The following TMEM33 variants were observed in gnomAD, a reference collection of about 807,000 sequenced individuals.
TMEM33 encodes transmembrane protein 33.
TMEM33 carries 16 observed loss-of-function variants against 29.7 expected under a neutral mutation model. That is an observed-to-expected ratio of 0.54 (90% confidence interval 0.36 to 0.82). TMEM33 has a LOEUF of 0.82. Ranked by LOEUF, TMEM33 falls within the 40% of genes least tolerant of loss-of-function variation. The pLI is 0.00. For missense variants in TMEM33, 252 were observed against 295.3 expected (o/e 0.85, Z 1.08); for synonymous variants, 112 against 109.4 (o/e 1.02, Z -0.15).
chr4:41,936,464 G>T (rs996962882), intron 1 of TMEM33, among the ~76,000 whole-genome samples: 17 of 152,174 alleles, frequency 1.1e-4, no homozygotes. Context: ...GATCGCTTGC[G>T]CCCGAGAAGT....
intron 4 of TMEM33, 99 bp downstream of exon 4, chr4:41,943,913 A>T: frequency 9.7e-7 from 1 of 1,027,188 alleles, no homozygotes; most frequent in South Asian, 1.4e-5. Flanking sequence ...AAGTCCCTCT[A>T]TACCTTACAA....
intron 4 of TMEM33, among the ~76,000 whole-genome samples, chr4:41,944,496 G>A (rs1346023355): frequency 6.6e-6 from 1 of 152,124 alleles, no homozygotes; most frequent in Admixed American, 6.5e-5. Context: ...GTCAGATTTT[G>A]TTGTGGTTAG....
At chr4:41,940,046 C>CCTTTTTTTTTTTTTTTTTTTTTTTTTTT (rs1553910603) in intron 3 of TMEM33, among the ~76,000 whole-genome samples, 1 of 81,366 alleles carries the variant, frequency 1.2e-5, no homozygotes, top group African/African-American at 5.6e-5. Flanking sequence ...GTTAAACTTT[C>CCTTTTTTTTTTTTTTTTTTTTTTTTTTT]TTTTTTTTTT....
chr4:41,946,555 G>T (rs1375569568), intron 5 of TMEM33, among the ~76,000 whole-genome samples: 1 of 152,096 alleles, frequency 6.6e-6, no homozygotes, highest in African/African-American at 2.4e-5. Context: ...GGCTGGTGTT[G>T]CTTAAGTTGT....
At position 41,955,014 on chromosome 4, in the gene TMEM33, G is replaced by T. The variant is rs556620522; in HGVS notation, c.*815G>T. On this transcript the variant is annotated 3_prime_UTR_variant, in exon 7 of 7. Transcript: ENST00000504986. The stretch of plus-strand genomic sequence containing the variant: ...GTATTATAGTTTGTAGAACTACCTA[G>T]TTCAGAATCTTGACTGCCAGTTTTC... The T allele has an allele frequency of 6.5e-6, 1 of 152,748 alleles. No individual in the cohort carries two copies. Among genetic ancestry groups the T allele is most frequent in the South Asian group, 2.1e-4 (1 of 4,834 alleles). The allele number at this position is 152,748 out of a possible 1,614,324, so 9.5% of individuals were successfully genotyped here.
rs548974632 is a variant in TMEM33 at position 41,944,686 on chromosome 4, T to C, written c.397-107T>C. On this transcript the variant is annotated intron_variant, in intron 4 of 6. Coordinates refer to ENST00000504986, the MANE Select transcript of TMEM33 (RefSeq NM_018126.3). ...CTTCGTACCATCATTTCCAAAGTAG[T>C]ATATTTGGTTGTATTGCCTGTTGGA... 7.3e-6 allele frequency: 9 copies of C among 1,232,074 alleles called. No homozygotes were observed. The African/African-American group carries it at 1.1e-4, about 15-fold the overall frequency. 76.3% of individuals were successfully genotyped at this position (1,232,074 alleles called of 1,614,324 possible). A position where few individuals can be genotyped will look rare whatever the true frequency, so the allele number is the denominator to read the frequency against.
Position 41,938,822 on chromosome 4 carries a change from C to T in TMEM33, c.140+126C>T, listed in dbSNP as rs536404801. The T allele has an allele frequency of 1.5e-4, 118 of 794,676 alleles. No homozygotes were observed. In the South Asian group the frequency reaches 1.7e-3, roughly 12 times the overall value. 49.2% of individuals were successfully genotyped at this position (794,676 alleles called of 1,614,324 possible). A position where few individuals can be genotyped will look rare whatever the true frequency, so the allele number is the denominator to read the frequency against. On this transcript the variant is annotated intron_variant, in intron 2 of 6. Transcript: ENST00000504986. ...GGGACAAATAAAATACAAGTTCCAG[C>T]CTTCAGGTACTAACAACCTAATAAC... is the stretch of plus-strand genomic sequence containing the variant.
At chr4:41,946,673 A>C (rs1258695038) in intron 5 of TMEM33, among the ~76,000 whole-genome samples, 1 of 152,208 alleles carries the variant, frequency 6.6e-6, no homozygotes, top group African/African-American at 2.4e-5. Context: ...AAAGCATATA[A>C]AAGAAAAGGG....
At chr4:41,937,899 A>G (rs1236519800) in intron 1 of TMEM33, among the ~76,000 whole-genome samples, 3 of 152,182 alleles carry the variant, frequency 2.0e-5, no homozygotes, top group Non-Finnish European at 4.4e-5. Context: ...ATCTAGGACC[A>G]CCGAAACTAG....
intron 6 of TMEM33, among the ~76,000 whole-genome samples, chr4:41,952,498 G>A (rs1381088600): frequency 6.6e-6 from 1 of 152,106 alleles, no homozygotes; most frequent in Non-Finnish European, 1.5e-5. Flanking sequence ...ACATGATTTT[G>A]TGTATACTAG....
At position 41,954,264 on chromosome 4, in the gene TMEM33, G is replaced by T. The variant is rs1353679122; in HGVS notation, c.*65G>T. On this transcript the variant is annotated 3_prime_UTR_variant, in exon 7 of 7. Coordinates refer to ENST00000504986, the MANE Select transcript of TMEM33 (RefSeq NM_018126.3). Reference sequence around the variant, plus strand: ...ATTAGCAGCTGGTACTTCTGCTAGGGGTTGTAAATTCCAGGTGTTACACTG... The same window carrying T: ...ATTAGCAGCTGGTACTTCTGCTAGGTGTTGTAAATTCCAGGTGTTACACTG... 50 of 1,553,176 alleles carry T rather than the reference G, an allele frequency of 3.2e-5. No individual in the cohort carries two copies. Among genetic ancestry groups the T allele is most frequent in the Non-Finnish European group, 3.6e-5 (41 of 1,139,538 alleles).
At chr4:41,948,872 C>T (rs1226061851) in intron 5 of TMEM33, among the ~76,000 whole-genome samples, 1 of 151,806 alleles carries the variant, frequency 6.6e-6, no homozygotes, top group East Asian at 1.9e-4. Flanking sequence ...TTAGTATAGG[C>T]TGTTTAGATT....
At chr4:41,947,227 T>A (rs1262167796) in intron 5 of TMEM33, among the ~76,000 whole-genome samples, 1 of 143,632 alleles carries the variant, frequency 7.0e-6, no homozygotes, top group East Asian at 2.0e-4. Context: ...AGACCAAGAC[T>A]CCCTCTCAAA....
chr4:41,944,412 G>C (rs564281427), intron 4 of TMEM33, among the ~76,000 whole-genome samples: 2 of 152,272 alleles, frequency 1.3e-5, no homozygotes, highest in South Asian at 4.1e-4. Flanking sequence ...GGTCACAGCA[G>C]TAATTACACT....
rs147804427 is a variant in TMEM33 at position 41,935,580 on chromosome 4, A to G, written c.45+51A>G. The G allele has an allele frequency of 1.7e-4, 269 of 1,566,366 alleles. No homozygotes were observed. In the African/African-American group the frequency reaches 3.3e-3, roughly 19 times the overall value. On this transcript the variant is annotated intron_variant, in intron 1 of 6. Transcript: ENST00000504986. ...GCTTGATTTGCAAGAGTTAGGAAGA[A>G]GCAGGAAGCGTTGCGAGTCCCGAGG... is the stretch of plus-strand genomic sequence containing the variant.
chr4:41,941,560 T>G (rs1469302522), intron 3 of TMEM33, among the ~76,000 whole-genome samples: 1 of 152,202 alleles, frequency 6.6e-6, no homozygotes, highest in African/African-American at 2.4e-5. Context: ...ATGAGACTCA[T>G]GACTGGTGAA....
chr4:41,954,133 G>C lies in TMEM33; in HGVS notation c.678G>C (p.Leu226=). Residue 226 remains leucine (L), a synonymous_variant, in exon 7 of 7, where the codon CTG becomes CTC. Coordinates refer to ENST00000504986, the MANE Select transcript of TMEM33 (RefSeq NM_018126.3). ...TAATAATGAAACCTGCTTGCCCACT[G>C]TTTGTGAGAAGACTTTGTCTCCAGA... ...EHIIMKPACP[L]FVRRLCLQSI... The C allele has an allele frequency of 6.2e-7, 1 of 1,613,908 alleles. No homozygotes were observed. Among genetic ancestry groups the C allele is most frequent in the Non-Finnish European group, 8.5e-7 (1 of 1,179,834 alleles).
At chr4:41,941,469 C>T (rs1239560571) in intron 3 of TMEM33, among the ~76,000 whole-genome samples, 2 of 152,158 alleles carry the variant, frequency 1.3e-5, no homozygotes. Flanking sequence ...AAACTGAATA[C>T]GTCAATAACT....
chr4:41,947,466 C>T (rs116016301), intron 5 of TMEM33, among the ~76,000 whole-genome samples: 16 of 152,124 alleles, frequency 1.1e-4, no homozygotes, highest in African/African-American at 3.6e-4. Context: ...GTTTTGACTG[C>T]GTTGGTACAT....
Sources: allele counts gnomAD v4.1 joint callset (sites outside exome capture counted in the v4.1 genomes callset), GRCh38; gene constraint gnomAD v4.1.1; transcripts MANE v1.5; gene names NCBI Gene and HGNC (gene_info 2026-07-23, HGNC 2026-07-21).